The following COL21A1 variants were observed in gnomAD, a reference collection of about 807,000 sequenced individuals.
COL21A1 encodes the protein collagen type XXI alpha 1 chain.
A neutral mutation model predicts 137.9 loss-of-function variants in COL21A1; 149 were observed. The ratio of observed to expected loss-of-function variants is 1.08; its 90% CI spans 0.95 to 1.24. The LOEUF (loss-of-function observed/expected upper bound fraction) is 1.24, where lower values mean the gene tolerates loss of function less well. Among genes scored for constraint, COL21A1 ranks in the 50% most tolerant of loss-of-function variants. The pLI is 0.00. For missense variants in COL21A1, 1,167 were observed against 1,158.4 expected, an observed-to-expected ratio of 1.01 and a Z score of -0.11; for synonymous variants, 456 against 391.5, an observed-to-expected ratio of 1.16 and a Z score of -1.95.
At chr6:56,216,340 A>G (rs986666640) in intron 1 of COL21A1, among the ~76,000 whole-genome samples, 5 of 152,082 alleles carry the variant, frequency 3.3e-5, no homozygotes, top group African/African-American at 1.2e-4. Context: ...TAGGAAATTC[A>G]TATTTTAGCT....
chr6:56,315,532 C>G (rs755135977), intron 1 of COL21A1, among the ~76,000 whole-genome samples: 1 of 152,060 alleles, frequency 6.6e-6, no homozygotes, highest in African/African-American at 2.4e-5. Flanking sequence ...TCTTTAGATC[C>G]GGGTTGAATC....
intron 1 of COL21A1, among the ~76,000 whole-genome samples, chr6:56,351,411 T>C (rs1326219710): frequency 6.6e-6 from 1 of 152,202 alleles, no homozygotes; most frequent in East Asian, 1.9e-4. Flanking sequence ...CTGTCACATG[T>C]AACTGCACAC....
chr6:56,296,735 C>G (rs1453131571), intron 1 of COL21A1, among the ~76,000 whole-genome samples: 1 of 151,930 alleles, frequency 6.6e-6, no homozygotes, highest in African/African-American at 2.4e-5. Flanking sequence ...ATGTAAAATT[C>G]CTATAATACT....
chr6:56,240,677 C>A (rs75305797), intron 1 of COL21A1, among the ~76,000 whole-genome samples: 1 of 152,036 alleles, frequency 6.6e-6, no homozygotes, highest in Admixed American at 6.6e-5. Flanking sequence ...ATACAAATGG[C>A]AAAATGAAAG....
At chr6:56,347,650 C>A (rs1259188506) in intron 1 of COL21A1, among the ~76,000 whole-genome samples, 1 of 151,968 alleles carries the variant, frequency 6.6e-6, no homozygotes, top group African/African-American at 2.4e-5. Flanking sequence ...TTCTGATACA[C>A]AACCAGGGTC....
intron 6 of COL21A1, among the ~76,000 whole-genome samples, chr6:56,167,406 T>A (rs1042482367): frequency 6.6e-6 from 1 of 152,230 alleles, no homozygotes; most frequent in African/African-American, 2.4e-5. Context: ...CATGGAGTGT[T>A]GTGTGATTAG....
At chr6:56,156,555 G>A (rs1019590497) in intron 10 of COL21A1, among the ~76,000 whole-genome samples, 5 of 152,244 alleles carry the variant, frequency 3.3e-5, no homozygotes, top group Middle Eastern at 3.4e-3. Flanking sequence ...GTGAGGGAGG[G>A]TGTGTACCTA....
At chr6:56,284,530 A>G (rs1190399198) in intron 1 of COL21A1, among the ~76,000 whole-genome samples, 3 of 152,026 alleles carry the variant, frequency 2.0e-5, no homozygotes, top group African/African-American at 7.2e-5. Flanking sequence ...ATGGCTTTTC[A>G]TCTCCATCCC....
Position 56,057,769 on chromosome 6 carries a change from T to C in COL21A1, c.2762A>G (p.His921Arg). The C allele has an allele frequency of 6.2e-7, 1 of 1,610,450 alleles. No homozygotes were observed. Among genetic ancestry groups the C allele is most frequent in the South Asian group, 1.1e-5 (1 of 90,432 alleles). The change falls in exon 30 of 30, where the codon CAT (histidine) becomes CGT (arginine). Residue 921 changes from histidine (H) to arginine (R), a missense_variant. Transcript: ENST00000244728. ...DPGLPGKDGDHGKPGIQGQPG... is the reference protein window; with the variant it reads ...DPGLPGKDGDRGKPGIQGQPG... ...TTGCCCTTGGATTCCAGGTTTTCCA[T>C]GGTCTCCATCTTTGCCAGGGAGACC...
At chr6:56,200,665 G>A (rs1007232853) in intron 1 of COL21A1, among the ~76,000 whole-genome samples, 3 of 151,942 alleles carry the variant, frequency 2.0e-5, no homozygotes, top group Middle Eastern at 3.4e-3. Flanking sequence ...AGTATTCCAT[G>A]GTGTATATGT....
At chr6:56,307,998 A>G (rs1764511773) in intron 1 of COL21A1, among the ~76,000 whole-genome samples, 1 of 152,246 alleles carries the variant, frequency 6.6e-6, no homozygotes, top group Admixed American at 6.5e-5. Flanking sequence ...AGATGCTGTT[A>G]ATCCTTTAAA....
At chr6:56,133,706 C>T (rs990567034) in intron 12 of COL21A1, among the ~76,000 whole-genome samples, 3 of 152,180 alleles carry the variant, frequency 2.0e-5, no homozygotes, top group Non-Finnish European at 2.9e-5. Context: ...GGCCCCCTTG[C>T]TCTGTGCAGC....
chr6:56,143,599 T>G (rs918669409), intron 10 of COL21A1, among the ~76,000 whole-genome samples: 1 of 152,178 alleles, frequency 6.6e-6, no homozygotes, highest in Non-Finnish European at 1.5e-5. Flanking sequence ...ACTTCTCAGA[T>G]TCAAACTTTT....
chr6:56,164,870 T>G, intron 7 of COL21A1, 48 bp from the exon 8 acceptor site: 2 of 1,338,924 alleles, frequency 1.5e-6, no homozygotes, highest in Non-Finnish European at 2.1e-6. Context: ...AAATAAAATT[T>G]ATAAATTATC....
At chr6:56,355,851 C>A (rs1217294115) in intron 1 of COL21A1, among the ~76,000 whole-genome samples, 2 of 152,074 alleles carry the variant, frequency 1.3e-5, no homozygotes, top group Non-Finnish European at 2.9e-5. Context: ...AATATAAAGA[C>A]CTTTTCTCAT....
At chr6:56,370,051 A>G (rs1189024183) in intron 1 of COL21A1, among the ~76,000 whole-genome samples, 2 of 152,248 alleles carry the variant, frequency 1.3e-5, no homozygotes, top group African/African-American at 4.8e-5. Context: ...TTGAGGCCAT[A>G]TAGGCGTTAT....
rs3065941 is a variant in COL21A1 at position 56,177,791 on chromosome 6, C to CAAAA, written c.640+1783_640+1786dup. 3.1e-3 allele frequency among the ~76,000 whole-genome samples: 213 copies of CAAAA among 68,606 alleles called. 1 individual carries two copies. Among genetic ancestry groups the CAAAA allele is most frequent in the Middle Eastern group, 0.014 (1 of 72 alleles). 45.0% of individuals were successfully genotyped at this position (68,606 alleles called of 152,430 possible). On this transcript the variant is annotated intron_variant, in intron 3 of 29. Transcript: ENST00000244728. Reference sequence around the variant, plus strand: ...TGGGTGACAGAGCGAGACTCTGCCTCAAAAAAAAAAAAAAAAAAAAAAGTC... The same window carrying CAAAA: ...TGGGTGACAGAGCGAGACTCTGCCTCAAAAAAAAAAAAAAAAAAAAAAAAAAGTC...
chr6:56,108,561 TAA>T (rs1771150153), intron 16 of COL21A1, among the ~76,000 whole-genome samples: 2 of 151,854 alleles, frequency 1.3e-5, no homozygotes, highest in African/African-American at 4.8e-5. Context: ...ATGTAGGAGT[TAA>T]AAATATCTAT....
At chr6:56,266,606 T>C (rs867180383) in intron 1 of COL21A1, among the ~76,000 whole-genome samples, 18 of 152,242 alleles carry the variant, frequency 1.2e-4, no homozygotes, top group African/African-American at 4.1e-4. Context: ...TGACTGCTGT[T>C]CTTTGAAAGA....
Sources: allele counts gnomAD v4.1 joint callset (sites outside exome capture counted in the v4.1 genomes callset), GRCh38; gene constraint gnomAD v4.1.1; transcripts MANE v1.5; gene names NCBI Gene and HGNC (gene_info 2026-07-23, HGNC 2026-07-21).